KRT71: variants seen among roughly 807,000 people sequenced by gnomAD.
KRT71 encodes keratin 71, also known as keratin, type II cytoskeletal 71.
A neutral mutation model predicts 46.2 loss-of-function variants in KRT71; 42 were observed. The observed-to-expected ratio is 0.91, with a 90% CI of 0.71 to 1.18. The LOEUF (loss-of-function observed/expected upper bound fraction) is 1.18, where lower values mean the gene tolerates loss of function less well. KRT71 is among the 50% of genes most tolerant of loss of function. The pLI is 0.00. For synonymous variants in KRT71, 292 were observed against 277.8 expected, an observed-to-expected ratio of 1.05 and a Z score of -0.51; for missense variants, 708 against 677.9, an observed-to-expected ratio of 1.04 and a Z score of -0.49.
chr12:52,545,523 T>C (rs1939043293), intron 8 of KRT71, 42 bp downstream of exon 8: 1 of 1,321,900 alleles, frequency 7.6e-7, no homozygotes. Context: ...CTTTCCAGGC[T>C]GCAGATTTTA....
Position 52,548,263 on chromosome 12 carries a change from C to T in KRT71, c.867G>A (p.Met289Ile), listed in dbSNP as rs771817545. 24 of 1,614,162 alleles carry T rather than the reference C, an allele frequency of 1.5e-5. No individual in the cohort carries two copies. Among genetic ancestry groups the T allele is most frequent in the Non-Finnish European group, 2.0e-5 (24 of 1,179,986 alleles). ...CCAGGTCTAGGTTCCGGTTGTTGTC[C>T]ATGGACAGGATGACAGACATGTCAC... ...HISDMSVILS[M>I]DNNRNLDLDS... Residue 289 changes from methionine (M) to isoleucine (I), a missense_variant, in exon 5 of 9, where the codon ATG becomes ATA. Transcript: ENST00000267119.
Position 52,552,857 on chromosome 12 carries a change from C to T in KRT71, c.221G>A (p.Gly74Asp). Reference protein sequence around the residue: ...GKSGGYGFGRGRASGFAGSMF... With the variant: ...GKSGGYGFGRDRASGFAGSMF... ...GCTTCCAGCAAAGCCACTGGCCCGG[C>T]CCCGGCCAAATCCATAGCCTCCACT... The change falls in exon 1 of 9, where the codon GGC becomes GAC. Residue 74 changes from glycine to aspartate, a missense_variant. Gly to Asp is a moderately conservative substitution (Grantham distance 94). Coordinates refer to ENST00000267119, the MANE Select transcript of KRT71 (RefSeq NM_033448.3). 3.1e-6 allele frequency: 5 copies of T among 1,614,226 alleles called. No homozygotes were observed. Among genetic ancestry groups the T allele is most frequent in the Non-Finnish European group, 4.2e-6 (5 of 1,180,038 alleles).
rs1478444326 is a variant in KRT71, at chr12:52,544,230, G to A, written c.*302C>T. ...GCCCAGCAGAGTAGTTAGCGACTGC[G>A]CTAGAGGCCGGGCAGAGGAGGAAAG... On this transcript the variant is annotated 3_prime_UTR_variant, in exon 9 of 9. Transcript: ENST00000267119. 5 of 477,766 alleles carry A rather than the reference G, an allele frequency of 1.0e-5. No individual in the cohort carries two copies. The highest frequency in any genetic ancestry group is 2.3e-5 in the South Asian group (1 of 44,330). The allele number at this position is 477,766 out of a possible 1,614,324, so 29.6% of individuals were successfully genotyped here.
In KRT71 at chr12:52,545,616, TA is replaced by T; in HGVS notation, c.1326-18del. 6.9e-7 allele frequency: 1 copy of T among 1,448,594 alleles called. No individual in the cohort carries two copies. Among genetic ancestry groups the T allele is most frequent in the Non-Finnish European group, 9.6e-7 (1 of 1,041,152 alleles). 89.7% of individuals were successfully genotyped at this position (1,448,594 alleles called of 1,614,324 possible). A position where few individuals can be genotyped will look rare whatever the true frequency, so the allele number is the denominator to read the frequency against. ...CCTGACATCCTATTAAGGAGAGAAA[TA>T]AAATAAGAGGAGAAGAGAAGTCATC... is the stretch of plus-strand genomic sequence containing the variant. On this transcript the variant is annotated intron_variant, in intron 7 of 8. Transcript: ENST00000267119.
In KRT71 at chr12:52,545,568, T is replaced by C. The variant is rs777176635; in HGVS notation, c.1357A>G (p.Ile453Val). The C allele has an allele frequency of 7.7e-6, 12 of 1,559,888 alleles. No individual in the cohort carries two copies. Among genetic ancestry groups the C allele is most frequent in the Admixed American group, 1.7e-5 (1 of 58,512 alleles). Reference protein sequence around the residue: ...MSGEFPSPVSISIISSTSGGS... With the variant: ...MSGEFPSPVSVSIISSTSGGS... ...GTGAAAGTATACAAATACTTACAGA[T>C]GCTGACAGGGGAGGGAAATTCTCCT... The change falls in exon 8 of 9, where the codon ATC (isoleucine) becomes GTC (valine). Residue 453 changes from isoleucine to valine, a missense_variant. Coordinates refer to ENST00000267119, the MANE Select transcript of KRT71 (RefSeq NM_033448.3).
chr12:52,551,867 T>C (rs1402220481), intron 1 of KRT71, among the ~76,000 whole-genome samples: 1 of 152,208 alleles, frequency 6.6e-6, no homozygotes, highest in African/African-American at 2.4e-5. Flanking sequence ...TCTAGACACC[T>C]TTGATTCCTC....
chr12:52,548,774 T>C lies in KRT71; in HGVS notation c.740A>G (p.Asn247Ser). 8.1e-6 allele frequency: 13 copies of C among 1,614,222 alleles called. No individual in the cohort carries two copies. Among genetic ancestry groups the C allele is most frequent in the Non-Finnish European group, 1.1e-5 (13 of 1,180,030 alleles). ...LKKDVDAAYA[N>S]KVELQAKVES... ...CACCTTGGCCTGCAGTTCCACCTTA[T>C]TGGCGTAAGCAGCATCCACATCCTG... is the stretch of plus-strand genomic sequence containing the variant. Residue 247 changes from asparagine (N) to serine (S), a missense_variant, in exon 4 of 9, where the codon AAT becomes AGT. By Grantham distance (46) the Asn-to-Ser change is conservative (BLOSUM62 1). Transcript: ENST00000267119.
rs757511520 is a variant in KRT71, at chr12:52,546,440, G to A, written c.1171C>T (p.Arg391Trp). The A allele has an allele frequency of 1.6e-5, 26 of 1,614,050 alleles. No homozygotes were observed. The highest frequency in any genetic ancestry group is 1.0e-4 in the Admixed American group (6 of 60,014). Residue 391 changes from arginine (R) to tryptophan (W), a missense_variant, in exon 7 of 9, where the codon CGG (arginine) becomes TGG (tryptophan). By Grantham distance (101) the Arg-to-Trp change is moderately radical (BLOSUM62 -3). Coordinates refer to ENST00000267119, the MANE Select transcript of KRT71 (RefSeq NM_033448.3). ...CCCTCCAGCTCGTCCAGCTTGGCCC[G>A]GGCATCCTTCAGGGCGTTGTCTCCC... The part of the protein sequence containing the change: ...QRGDNALKDA[R>W]AKLDELEGAL...
rs188137650 is a variant in KRT71, at chr12:52,548,226, C to T, written c.904G>A (p.Asp302Asn). The change falls in exon 5 of 9, where the codon GAC (aspartate) becomes AAC (asparagine). Residue 302 changes from aspartate to asparagine, a missense_variant. Transcript: ENST00000267119. The stretch of plus-strand genomic sequence containing the variant: ...TCCTCATACTGGGTGCGGACTTCGT[C>T]AATGATGCTGTCCAGGTCTAGGTTC... ...NRNLDLDSII[D>N]EVRTQYEEIA... is the part of the protein sequence containing the mutation. 161 of 1,614,218 alleles carry T rather than the reference C, an allele frequency of 1.0e-4. 2 individuals carry two copies. The East Asian group carries it at 3.3e-3, about 33-fold the overall frequency.
At chr12:52,547,274 A>G (rs1248940115) in intron 6 of KRT71, among the ~76,000 whole-genome samples, 1 of 152,152 alleles carries the variant, frequency 6.6e-6, no homozygotes, top group Non-Finnish European at 1.5e-5. Context: ...AGTGCGATAG[A>G]AGAATAGGTG....
At position 52,552,925 on chromosome 12, in the gene KRT71, C is replaced by G. The variant is rs775856694; in HGVS notation, c.153G>C (p.Leu51=). 8.1e-6 allele frequency: 13 copies of G among 1,614,216 alleles called. No individual in the cohort carries two copies. Among genetic ancestry groups the G allele is most frequent in the Non-Finnish European group, 9.3e-6 (11 of 1,180,048 alleles). ...GGFGSRSLYS[L]GGVRSLNVAS... The stretch of plus-strand genomic sequence containing the variant: ...CCACATTGAGGCTCCGGACACCCCC[C>G]AGGCTGTAGAGGCTCCGGCTGCCAA... The change falls in exon 1 of 9, where the codon CTG becomes CTC. Residue 51 remains leucine, a synonymous_variant. Transcript: ENST00000267119.
At position 52,550,012 on chromosome 12, in the gene KRT71, G is replaced by T. The variant is rs1206178764; in HGVS notation, c.656+17C>A. On this transcript the variant is annotated intron_variant, in intron 2 of 8. Coordinates refer to ENST00000267119, the MANE Select transcript of KRT71 (RefSeq NM_033448.3). ...CAAGGGCAGTTGTCCAGTTACAGGG[G>T]GACTCCTCCTGCTCACCTCTTCTTG... The T allele has an allele frequency of 6.2e-7, 1 of 1,613,722 alleles. No individual in the cohort carries two copies. Among genetic ancestry groups the T allele is most frequent in the East Asian group, 2.2e-5 (1 of 44,864 alleles).
intron 1 of KRT71, among the ~76,000 whole-genome samples, chr12:52,550,838 G>A (rs1939156511): frequency 6.6e-6 from 1 of 152,222 alleles, no homozygotes; most frequent in Admixed American, 6.5e-5. Context: ...CCTCACTGAG[G>A]CAGGAAACTG....
intron 3 of KRT71, 85 bp downstream of exon 3, chr12:52,549,208 G>A (rs112373342): frequency 0.018 from 17,331 of 984,700 alleles, 402 homozygotes; most frequent in South Asian, 0.073. Flanking sequence ...TTCACCTTGA[G>A]GGGGGCTAAC....
rs635206 is a variant in KRT71, at chr12:52,549,214, C to T, written c.717+79G>A. ...CTGAATCAGTTCACCTTGAGGGGGG[C>T]TAACAGAGCACCTTGGCAGGCTCTG... On this transcript the variant is annotated intron_variant, in intron 3 of 8. Transcript: ENST00000267119. 1 allele frequency: 1,072,318 copies of T among 1,073,734 alleles called. 535,464 individuals are homozygous for T. Among genetic ancestry groups the T allele is most frequent in the Middle Eastern group, 1 (3,710 of 3,710 alleles). 66.5% of individuals were successfully genotyped at this position (1,073,734 alleles called of 1,614,324 possible). A position where few individuals can be genotyped will look rare whatever the true frequency, so the allele number is the denominator to read the frequency against.
chr12:52,548,369 C>G (rs993896971), intron 4 of KRT71, 53 bp from the exon 5 acceptor site: 3 of 1,554,518 alleles, frequency 1.9e-6, no homozygotes, highest in African/African-American at 2.7e-5. Flanking sequence ...GGAAGCCAAC[C>G]ACCACCCCCA....
In KRT71 at chr12:52,546,383, G is replaced by A. The variant is rs371040598; in HGVS notation, c.1228C>T (p.Arg410Trp). ...ALHQAKEELA[R>W]MLREYQELMS... ...AGCTCCTGGTACTCGCGCAGCATCCGCGCCAGCTCCTCCTTGGCCTGGTGC... is the reference window on the plus strand; with the variant it reads ...AGCTCCTGGTACTCGCGCAGCATCCACGCCAGCTCCTCCTTGGCCTGGTGC... The change falls in exon 7 of 9, where the codon CGG becomes TGG. Residue 410 changes from arginine (R) to tryptophan (W), a missense_variant. Arg to Trp is a moderately radical substitution (Grantham distance 101). Coordinates refer to ENST00000267119, the MANE Select transcript of KRT71 (RefSeq NM_033448.3). 5.6e-5 allele frequency: 91 copies of A among 1,614,098 alleles called. No individual in the cohort carries two copies. The highest frequency in any genetic ancestry group is 8.9e-5 in the East Asian group (4 of 44,888).
chr12:52,552,366 C>A (rs1162403117), intron 1 of KRT71, among the ~76,000 whole-genome samples: 1 of 152,240 alleles, frequency 6.6e-6, no homozygotes, highest in Admixed American at 6.5e-5. Context: ...GCAATGGCAC[C>A]AAGCTAGCCC....
Position 52,552,797 on chromosome 12 carries a change from G to A in KRT71, c.281C>T (p.Pro94Leu), listed in dbSNP as rs1448443230. 3.7e-6 allele frequency: 6 copies of A among 1,614,096 alleles called. No individual in the cohort carries two copies. The African/African-American group carries it at 4.0e-5, about 11-fold the overall frequency. The stretch of plus-strand genomic sequence containing the variant: ...GATGCCTCCAGGTGGGCATACAGTT[G>A]GGCACACAGGCCCCAGGGCCACACT... Reference protein sequence around the residue: ...FGSVALGPVCPTVCPPGGIHQ... With the variant: ...FGSVALGPVCLTVCPPGGIHQ... The change falls in exon 1 of 9, where the codon CCA becomes CTA. Residue 94 changes from proline (P) to leucine (L), a missense_variant. Coordinates refer to ENST00000267119, the MANE Select transcript of KRT71 (RefSeq NM_033448.3).
Sources: gnomAD v4.1 joint callset for allele counts (sites outside exome capture counted in the v4.1 genomes callset) on GRCh38, gnomAD v4.1.1 for gene constraint, MANE v1.5 for transcripts, NCBI Gene and HGNC (gene_info 2026-07-23, HGNC 2026-07-21) for gene names.